MGAT4C: variants seen among roughly 807,000 people sequenced by gnomAD.
The protein encoded by MGAT4C is alpha-1,3-mannosyl-glycoprotein 4-beta-N-acetylglucosaminyltransferase C.
MGAT4C carries 19 observed loss-of-function variants against 40.1 expected under a neutral mutation model. The ratio of observed to expected loss-of-function variants is 0.47; its 90% CI spans 0.33 to 0.70. The LOEUF is 0.70. Among genes scored for constraint, MGAT4C ranks in the 30% least tolerant of loss-of-function variants. The probability of loss-of-function intolerance (pLI) is 0.02; values close to 1 mark genes in which losing one functional copy is unlikely to be tolerated. For synonymous variants in MGAT4C, 181 were observed against 187.1 expected, an observed-to-expected ratio of 0.97 and a Z score of 0.27; for missense variants, 491 against 563.2, an observed-to-expected ratio of 0.87 and a Z score of 1.30.
intron 3 of MGAT4C, among the ~76,000 whole-genome samples, chr12:86,376,218 CAAAAAAAAAA>C (rs1166300466): frequency 2.0e-5 from 1 of 50,760 alleles, no homozygotes; most frequent in Non-Finnish European, 3.9e-5. Context: ...TAACACATGT[CAAAAAAAAAA>C]AAAAAAAAAA....
rs1211849932 is a variant in MGAT4C, at chr12:86,603,633, CTA to C, written c.-229+123574_-229+123575del. On this transcript the variant is annotated intron_variant, in intron 2 of 7. Coordinates refer to the MGAT4C transcript ENST00000548651. ...TAATATATATTATATAGTCTATAGA[CTA>C]TATATAGTATATATTATATAGTCTA... is the stretch of plus-strand genomic sequence containing the variant. Among the ~76,000 whole-genome samples the C allele has an allele frequency of 3.3e-3, 397 of 120,986 alleles. 1 individual carries two copies. The highest frequency in any genetic ancestry group is 6.7e-3 in the South Asian group (28 of 4,160). The allele number at this position is 120,986 out of a possible 152,430, so 79.4% of individuals were successfully genotyped here.
Position 86,307,109 on chromosome 12 carries a change from T to C in MGAT4C, c.-57+26956A>G, listed in dbSNP as rs1173055758. 4.0e-5 allele frequency among the ~76,000 whole-genome samples: 6 copies of C among 150,544 alleles called. 2 individuals carry two copies. The highest frequency in any genetic ancestry group is 1.5e-4 in the African/African-American group (6 of 40,028). Reference sequence around the variant, plus strand: ...CATATTGATCCAGAGCCATTCATGATAATTCTTTAAAATAGAGATACTCTT... The same window carrying C: ...CATATTGATCCAGAGCCATTCATGACAATTCTTTAAAATAGAGATACTCTT... On this transcript the variant is annotated intron_variant, in intron 4 of 7. Transcript: ENST00000548651.
intron 2 of MGAT4C, among the ~76,000 whole-genome samples, chr12:86,724,986 AC>A (rs1474673551): frequency 6.6e-6 from 1 of 152,204 alleles, no homozygotes; most frequent in Admixed American, 6.5e-5. Context: ...GTTCTTTGAA[AC>A]ATCATGTTTT....
At chr12:86,457,729 G>A (rs751722682) in intron 2 of MGAT4C, among the ~76,000 whole-genome samples, 4 of 152,088 alleles carry the variant, frequency 2.6e-5, no homozygotes, top group Non-Finnish European at 5.9e-5. Flanking sequence ...TAATGAAGCT[G>A]TCAGCAGTTG....
chr12:86,414,683 A>G (rs1956673932), intron 3 of MGAT4C, among the ~76,000 whole-genome samples: 1 of 152,156 alleles, frequency 6.6e-6, no homozygotes, highest in Non-Finnish European at 1.5e-5. Flanking sequence ...TAACTAGTGT[A>G]CCTTAATGGC....
intron 2 of MGAT4C, among the ~76,000 whole-genome samples, chr12:86,437,702 G>A (rs142419662): frequency 6.6e-6 from 1 of 151,854 alleles, no homozygotes; most frequent in Non-Finnish European, 1.5e-5. Flanking sequence ...GTGTCTCTTT[G>A]TCACACTTTG....
At chr12:86,197,608 T>G (rs1023960449) in intron 1 of MGAT4C, among the ~76,000 whole-genome samples, 2 of 152,134 alleles carry the variant, frequency 1.3e-5, no homozygotes, top group Non-Finnish European at 2.9e-5. Flanking sequence ...ACTTCCAGGC[T>G]CCAGAACTGT....
intron 1 of MGAT4C, among the ~76,000 whole-genome samples, chr12:86,107,401 C>G (rs916070335): frequency 2.6e-5 from 4 of 151,826 alleles, no homozygotes; most frequent in African/African-American, 7.3e-5. Context: ...AGATGATAAT[C>G]CATATGTAAT....
intron 3 of MGAT4C, among the ~76,000 whole-genome samples, chr12:86,397,421 A>C (rs1191468213): frequency 6.6e-6 from 1 of 152,044 alleles, no homozygotes; most frequent in Non-Finnish European, 1.5e-5. Flanking sequence ...TGGTTTCTCT[A>C]GGTAGGCTTT....
intron 1 of MGAT4C, among the ~76,000 whole-genome samples, chr12:86,765,035 A>G (rs759377372): frequency 1.3e-5 from 2 of 152,236 alleles, no homozygotes; most frequent in African/African-American, 2.4e-5. Flanking sequence ...TGACAAGTTG[A>G]GAGAAGAAGG....
At chr12:86,192,214 C>T (rs910344817) in intron 1 of MGAT4C, among the ~76,000 whole-genome samples, 2 of 151,806 alleles carry the variant, frequency 1.3e-5, no homozygotes, top group Admixed American at 1.3e-4. Context: ...GCATGTTGTG[C>T]ACATGTACCC....
At chr12:86,391,992 G>A (rs1956168842) in intron 3 of MGAT4C, among the ~76,000 whole-genome samples, 1 of 152,098 alleles carries the variant, frequency 6.6e-6, no homozygotes. Flanking sequence ...TAAAATTCTA[G>A]TTTTCTTACT....
At chr12:86,358,797 C>T (rs1165944008) in intron 3 of MGAT4C, among the ~76,000 whole-genome samples, 1 of 152,182 alleles carries the variant, frequency 6.6e-6, no homozygotes, top group African/African-American at 2.4e-5. Context: ...TGTATATGCA[C>T]CCAATACAGG....
chr12:86,257,793 T>C (rs186287693), upstream of MGAT4C, among the ~76,000 whole-genome samples: 6 of 152,308 alleles, frequency 3.9e-5, no homozygotes, highest in African/African-American at 4.8e-5. Flanking sequence ...AGTTAGCATG[T>C]GACATGGGAG....
At chr12:86,510,635 G>A (rs1181724513) in intron 2 of MGAT4C, among the ~76,000 whole-genome samples, 2 of 152,090 alleles carry the variant, frequency 1.3e-5, no homozygotes, top group African/African-American at 4.8e-5. Context: ...AAAATAAAGG[G>A]ATGGAGGAAG....
At chr12:86,029,122 T>G (rs896018695) in intron 2 of MGAT4C, among the ~76,000 whole-genome samples, 1 of 151,968 alleles carries the variant, frequency 6.6e-6, no homozygotes, top group Non-Finnish European at 1.5e-5. Context: ...TGATCTCCGA[T>G]ATTATATACA....
intron 2 of MGAT4C, among the ~76,000 whole-genome samples, chr12:86,647,172 T>C (rs919146295): frequency 6.6e-6 from 1 of 151,616 alleles, no homozygotes; most frequent in Non-Finnish European, 1.5e-5. Context: ...CCATGAGTTA[T>C]CCCACATGAG....
intron 2 of MGAT4C, among the ~76,000 whole-genome samples, chr12:86,512,762 G>A (rs1958613859): frequency 6.6e-6 from 1 of 152,066 alleles, no homozygotes; most frequent in African/African-American, 2.4e-5. Context: ...AATGGTGGTT[G>A]CCAGAAGATA....
chr12:86,142,298 C>A (rs1286350551), intron 1 of MGAT4C, among the ~76,000 whole-genome samples: 16 of 152,130 alleles, frequency 1.1e-4, no homozygotes. Flanking sequence ...CACACATGTG[C>A]AGGTTAAAGA....
Sources: gnomAD v4.1 joint callset for allele counts (sites outside exome capture counted in the v4.1 genomes callset) on GRCh38, gnomAD v4.1.1 for gene constraint, MANE v1.5 for transcripts, NCBI Gene and HGNC (gene_info 2026-07-23, HGNC 2026-07-21) for gene names.